ANKS1B: variants seen among roughly 807,000 people sequenced by gnomAD.
ANKS1B encodes ankyrin repeat and sterile alpha motif domain containing 1B.
In ANKS1B, 36 loss-of-function variants were observed where a neutral mutation model predicts 148.3. The ratio of observed to expected loss-of-function variants is 0.24; its 90% CI spans 0.19 to 0.32. The LOEUF is 0.32. ANKS1B is among the 10% of genes least tolerant of loss of function. The pLI, the probability that ANKS1B is intolerant of heterozygous loss-of-function variation, is 1.00. For synonymous variants in ANKS1B, 542 were observed against 560.8 expected, an observed-to-expected ratio of 0.97 and a Z score of 0.47; for missense variants, 1,157 against 1,542.6, an observed-to-expected ratio of 0.75 and a Z score of 4.19.
At chr12:99,003,456 C>T (rs2099934201) in intron 17 of ANKS1B, among the ~76,000 whole-genome samples, 1 of 152,142 alleles carries the variant, frequency 6.6e-6, no homozygotes, top group Non-Finnish European at 1.5e-5. Context: ...GTCTTGCAAT[C>T]CATGAACCAG....
At chr12:99,633,518 A>C (rs2098196161) in intron 9 of ANKS1B, among the ~76,000 whole-genome samples, 1 of 152,220 alleles carries the variant, frequency 6.6e-6, no homozygotes, top group Non-Finnish European at 1.5e-5. Context: ...TGTTAGACCT[A>C]AAACCATAAA....
intron 14 of ANKS1B, among the ~76,000 whole-genome samples, chr12:99,184,233 G>T: frequency 6.6e-6 from 1 of 152,000 alleles, no homozygotes. Flanking sequence ...TACTTTCTTT[G>T]GCAAAATAGT....
intron 11 of ANKS1B, among the ~76,000 whole-genome samples, chr12:99,432,116 T>C (rs1398093672): frequency 6.6e-6 from 1 of 152,216 alleles, no homozygotes; most frequent in East Asian, 1.9e-4. Flanking sequence ...TGCCATGTTG[T>C]GATGTATCAC....
At chr12:99,428,802 T>C (rs575593083) in intron 11 of ANKS1B, among the ~76,000 whole-genome samples, 30 of 152,232 alleles carry the variant, frequency 2.0e-4, no homozygotes, top group African/African-American at 6.7e-4. Flanking sequence ...TAAGAGGAAG[T>C]AAAGCTTCTT....
At chr12:99,271,647 TAGTC>T (rs1327635189) in intron 12 of ANKS1B, among the ~76,000 whole-genome samples, 1 of 136,292 alleles carries the variant, frequency 7.3e-6, no homozygotes, top group Non-Finnish European at 1.5e-5. Context: ...ATTCAGTCAG[TAGTC>T]AGTCAATAAA....
chr12:99,166,676 C>A (rs952880819), intron 14 of ANKS1B, among the ~76,000 whole-genome samples: 2 of 152,114 alleles, frequency 1.3e-5, no homozygotes, highest in East Asian at 3.9e-4. Context: ...GTTAACATAT[C>A]TGTTCTTCCC....
intron 9 of ANKS1B, among the ~76,000 whole-genome samples, chr12:99,566,641 G>A (rs1047474532): frequency 1.1e-4 from 16 of 152,084 alleles, no homozygotes; most frequent in Admixed American, 3.3e-4. Context: ...TGGAACTAAC[G>A]GCTTTATAAG....
chr12:99,705,575 C>T (rs1464406043), intron 8 of ANKS1B, among the ~76,000 whole-genome samples: 4 of 152,092 alleles, frequency 2.6e-5, no homozygotes, highest in African/African-American at 9.7e-5. Context: ...ATTCTCAACA[C>T]TAGAATTTCA....
intron 1 of ANKS1B, among the ~76,000 whole-genome samples, chr12:99,834,848 T>A (rs1483094716): frequency 6.6e-6 from 1 of 152,238 alleles, no homozygotes; most frequent in Non-Finnish European, 1.5e-5. Flanking sequence ...TCATACAGAA[T>A]GTGCATTTAA....
intron 12 of ANKS1B, among the ~76,000 whole-genome samples, chr12:99,317,477 G>A (rs548791974): frequency 1.3e-5 from 2 of 152,146 alleles, no homozygotes; most frequent in African/African-American, 4.8e-5. Flanking sequence ...TCTGTGATTG[G>A]TGTATAGGAA....
chr12:99,649,622 A>G (rs1421277921), intron 9 of ANKS1B: 4 of 495,080 alleles, frequency 8.1e-6, no homozygotes, highest in Non-Finnish European at 1.5e-5. Flanking sequence ...AAGTATAGCC[A>G]GCATGGCTAT....
chr12:99,660,374 T>TC (rs2098471030), intron 8 of ANKS1B, among the ~76,000 whole-genome samples: 2 of 148,650 alleles, frequency 1.3e-5, no homozygotes, highest in Admixed American at 6.7e-5. Context: ...TTTTTTTTTT[T>TC]TTTTTTTGAG....
At chr12:99,843,299 T>G (rs925264282) in intron 1 of ANKS1B, among the ~76,000 whole-genome samples, 6 of 152,138 alleles carry the variant, frequency 3.9e-5, no homozygotes, top group Admixed American at 2.6e-4. Flanking sequence ...TTCTGTATTA[T>G]TTTTCTCTCC....
rs2098607783 is a variant in ANKS1B, at chr12:98,772,921, TA to T, written c.3579+120del. On this transcript the variant is annotated intron_variant, in intron 25 of 26. Transcript: ENST00000683438. ...AGCCCTAGCAAACAAATACACTTGG[TA>T]TGTATCTTAATACCGGGTAAACAAG... 9 of 1,076,002 alleles carry T rather than the reference TA, an allele frequency of 8.4e-6. No homozygotes were observed. The African/African-American group carries it at 1.1e-4, about 13-fold the overall frequency. The allele number at this position is 1,076,002 out of a possible 1,614,324, so 66.7% of individuals were successfully genotyped here. A position where few individuals can be genotyped will look rare whatever the true frequency, so the allele number is the denominator to read the frequency against.
intron 8 of ANKS1B, among the ~76,000 whole-genome samples, chr12:99,659,685 A>G (rs11837867): frequency 0.27 from 41,129 of 152,052 alleles, 5,975 homozygotes; most frequent in African/African-American, 0.3. Context: ...TGTAAATTAT[A>G]TGACAACTAT....
At chr12:99,919,675 C>T (rs1198467852) in intron 1 of ANKS1B, among the ~76,000 whole-genome samples, 1 of 151,622 alleles carries the variant, frequency 6.6e-6, no homozygotes, top group Non-Finnish European at 1.5e-5. Flanking sequence ...CATGGATATC[C>T]ACTGCTATAA....
At position 98,736,170 on chromosome 12, in the gene ANKS1B, C is replaced by G. The variant is rs2097772002; in HGVS notation, c.691-536G>C. ...CAGTGTAGGAGTTTTGAGCAGTGGT[C>G]TGATTTAAGCTTTAACGAATCACCC... On this transcript the variant is annotated intron_variant, in intron 9 of 9. Transcript: ENST00000341752. 2.6e-5 allele frequency among the ~76,000 whole-genome samples: 4 copies of G among 152,152 alleles called. No homozygotes were observed. The South Asian group carries it at 8.3e-4, about 31-fold the overall frequency.
At chr12:99,143,462 G>A (rs192531696) in intron 15 of ANKS1B, among the ~76,000 whole-genome samples, 5 of 152,202 alleles carry the variant, frequency 3.3e-5, no homozygotes, top group East Asian at 1.9e-4. Flanking sequence ...TCAGGGAGAC[G>A]CATGCAATGA....
rs151290955 is a variant in ANKS1B, at chr12:99,376,107, G to T, written c.1756+23524C>A. 2.0e-3 allele frequency among the ~76,000 whole-genome samples: 307 copies of T among 152,248 alleles called. 7 individuals are homozygous for T. In the South Asian group the frequency reaches 0.037, roughly 18 times the overall value. On this transcript the variant is annotated intron_variant, in intron 12 of 26. Coordinates refer to ENST00000683438, the MANE Select transcript of ANKS1B (RefSeq NM_001352186.2). Reference sequence around the variant, plus strand: ...ATTCGCTGTTCAAAAATAAACTTCTGAACTTTAGTGTTTGCTTAATGGAAA... The same window carrying T: ...ATTCGCTGTTCAAAAATAAACTTCTTAACTTTAGTGTTTGCTTAATGGAAA...
Sources: gnomAD v4.1 joint callset for allele counts (sites outside exome capture counted in the v4.1 genomes callset) on GRCh38, gnomAD v4.1.1 for gene constraint, MANE v1.5 for transcripts, NCBI Gene and HGNC (gene_info 2026-07-23, HGNC 2026-07-21) for gene names.